The following LARGE1 variants were observed in gnomAD, a reference collection of about 807,000 sequenced individuals.
The protein encoded by LARGE1 is LARGE xylosyl- and glucuronyltransferase 1.
Under a neutral mutation model 87.6 loss-of-function variants are expected in LARGE1, and 43 were observed. That is an observed-to-expected ratio of 0.49 (90% CI 0.38 to 0.63). The LOEUF (loss-of-function observed/expected upper bound fraction) is 0.63. Ranked by LOEUF, LARGE1 falls within the 30% of genes least tolerant of loss-of-function variation. The pLI is 0.00. For synonymous variants in LARGE1, 434 were observed against 394.6 expected (o/e 1.10, Z -1.18); for missense variants, 802 against 1,000.2 (o/e 0.80, Z 2.67).
In LARGE1 at chr22:33,844,079, C is replaced by CAA. The variant is rs34588361; in HGVS notation, c.-83+75914_-83+75915dup. Among the ~76,000 whole-genome samples the CAA allele has an allele frequency of 1.1e-3, 139 of 122,810 alleles. 4 individuals carry two copies. Among genetic ancestry groups the CAA allele is most frequent in the East Asian group, 3.9e-3 (17 of 4,312 alleles). The allele number at this position is 122,810 out of a possible 152,430, so 80.6% of individuals were successfully genotyped here. A position where few individuals can be genotyped will look rare whatever the true frequency, so the allele number is the denominator to read the frequency against. ...GGGTGACAAAAGTGAAACTCCGTCT[C>CAA]AAAAAAAAAAAAAAAAGACAAGAAA... On this transcript the variant is annotated intron_variant, in intron 1 of 14. Transcript: ENST00000397394.
chr22:33,454,707 T>G (rs1011758792), intron 6 of LARGE1, among the ~76,000 whole-genome samples: 47 of 151,874 alleles, frequency 3.1e-4, no homozygotes, highest in Admixed American at 9.8e-4. Context: ...AGCCTCCGCT[T>G]CTGGGGAGGC....
intron 7 of LARGE1, among the ~76,000 whole-genome samples, chr22:33,412,208 C>T (rs1490213885): frequency 5.3e-5 from 8 of 151,942 alleles, no homozygotes; most frequent in African/African-American, 9.7e-5. Context: ...TGCTTGAACC[C>T]GGGAGGCGGA....
intron 11 of LARGE1, among the ~76,000 whole-genome samples, chr22:33,186,159 C>G (rs1923463407): frequency 6.6e-6 from 1 of 152,098 alleles, no homozygotes; most frequent in Non-Finnish European, 1.5e-5. Context: ...ACAACATTTT[C>G]CAATTCATTT....
At chr22:33,730,759 C>T (rs61124356) in intron 2 of LARGE1, among the ~76,000 whole-genome samples, 8,284 of 151,284 alleles carry the variant, frequency 0.055, 758 homozygotes, top group African/African-American at 0.19. Context: ...GGTGCTATCT[C>T]GGCTCACTGC....
the LARGE1 span, among the ~76,000 whole-genome samples, chr22:33,096,188 G>C: frequency 6.6e-6 from 1 of 152,118 alleles, no homozygotes; most frequent in Non-Finnish European, 1.5e-5. Context: ...GGCCGAGGCG[G>C]GTGGATCACG....
intron 1 of LARGE1, among the ~76,000 whole-genome samples, chr22:33,902,409 T>G (rs1490015742): frequency 6.6e-6 from 1 of 152,004 alleles, no homozygotes; most frequent in African/African-American, 2.4e-5. Flanking sequence ...ACCCTCAGAG[T>G]ATCGCAGAGA....
intron 6 of LARGE1, among the ~76,000 whole-genome samples, chr22:33,478,795 T>A (rs2069186284): frequency 6.6e-6 from 1 of 152,164 alleles, no homozygotes; most frequent in African/African-American, 2.4e-5. Flanking sequence ...TTCCACTGTG[T>A]TCCCGTAGCA....
chr22:33,193,750 A>G (rs1923914969), intron 11 of LARGE1, among the ~76,000 whole-genome samples: 1 of 152,008 alleles, frequency 6.6e-6, no homozygotes, highest in Non-Finnish European at 1.5e-5. Flanking sequence ...CCCGGAAGGC[A>G]GAGGTTACAG....
chr22:33,274,402 C>T lies in LARGE1; in HGVS notation c.*25G>A. ...GTGGCACTTCCCCTACAGCATGTCTCCCCCTAGTGGTGGGCTTCTTGGTGC... is the reference window on the plus strand; with the variant it reads ...GTGGCACTTCCCCTACAGCATGTCTTCCCCTAGTGGTGGGCTTCTTGGTGC... On this transcript the variant is annotated 3_prime_UTR_variant, in exon 15 of 15. Coordinates refer to ENST00000397394, the MANE Select transcript of LARGE1 (RefSeq NM_133642.5). 1 of 1,611,982 alleles carries T rather than the reference C, an allele frequency of 6.2e-7. No homozygotes were observed. The highest frequency in any genetic ancestry group is 2.2e-5 in the East Asian group (1 of 44,874).
intron 1 of LARGE1, among the ~76,000 whole-genome samples, chr22:33,865,782 C>CTAA (rs2064075862): frequency 7.7e-6 from 1 of 130,236 alleles, no homozygotes; most frequent in Admixed American, 8.3e-5. Flanking sequence ...AAATGTAAAA[C>CTAA]ATTTAAAAAA....
chr22:33,421,735 G>C (rs1300911783), intron 7 of LARGE1, among the ~76,000 whole-genome samples: 1 of 152,212 alleles, frequency 6.6e-6, no homozygotes, highest in African/African-American at 2.4e-5. Flanking sequence ...GGTGCTCAGA[G>C]ACTAAGTGAC....
chr22:33,236,961 A>T (rs940689638), intron 11 of LARGE1, among the ~76,000 whole-genome samples: 1 of 152,272 alleles, frequency 6.6e-6, no homozygotes, highest in African/African-American at 2.4e-5. Flanking sequence ...CTCATTGTCA[A>T]GTAAGACAGT....
chr22:33,216,495 G>A (rs375789121), intron 11 of LARGE1, among the ~76,000 whole-genome samples: 8 of 152,184 alleles, frequency 5.3e-5, no homozygotes, highest in Admixed American at 1.3e-4. Context: ...CAGGCTTGGT[G>A]GCGGGTGCCT....
chr22:33,898,416 T>G (rs551190999), intron 1 of LARGE1, among the ~76,000 whole-genome samples: 1 of 152,328 alleles, frequency 6.6e-6, no homozygotes, highest in African/African-American at 2.4e-5. Context: ...CACGTAACCC[T>G]ACTTTTATTT....
At chr22:33,566,200 A>C (rs2078020519) in intron 5 of LARGE1, among the ~76,000 whole-genome samples, 1 of 152,364 alleles carries the variant, frequency 6.6e-6, no homozygotes, top group South Asian at 2.1e-4. Context: ...ACCAAAGAAC[A>C]GCCATCAAAA....
the LARGE1 span, among the ~76,000 whole-genome samples, chr22:33,140,278 T>C: frequency 6.6e-6 from 1 of 152,138 alleles, no homozygotes; most frequent in South Asian, 2.1e-4. Context: ...CCAGTCTAAG[T>C]GGCTCTACCC....
At chr22:33,076,722 A>G in the LARGE1 span, among the ~76,000 whole-genome samples, 1 of 152,232 alleles carries the variant, frequency 6.6e-6, no homozygotes, top group Non-Finnish European at 1.5e-5. Context: ...CCATATGTCT[A>G]TAAACAAAAT....
At chr22:33,889,999 C>T (rs932913622) in intron 1 of LARGE1, among the ~76,000 whole-genome samples, 4 of 152,200 alleles carry the variant, frequency 2.6e-5, no homozygotes, top group East Asian at 1.9e-4. Flanking sequence ...CAGGTTTCTG[C>T]CCCCCATAAG....
At chr22:33,493,462 G>C (rs892436605) in intron 6 of LARGE1, among the ~76,000 whole-genome samples, 5 of 152,046 alleles carry the variant, frequency 3.3e-5, no homozygotes, top group African/African-American at 1.2e-4. Flanking sequence ...TGCCCGGCCT[G>C]AGCATGGAAT....
Sources: gnomAD v4.1 joint callset for allele counts (sites outside exome capture counted in the v4.1 genomes callset) on GRCh38, gnomAD v4.1.1 for gene constraint, MANE v1.5 for transcripts, NCBI Gene and HGNC (gene_info 2026-07-23, HGNC 2026-07-21) for gene names.